The following RRBP1 variants were observed in gnomAD, a reference collection of about 807,000 sequenced individuals.
The protein encoded by RRBP1 is ribosome binding protein 1, also known as ribosome-binding protein 1.
A neutral mutation model predicts 165.2 loss-of-function variants in RRBP1; 94 were observed. That is an observed-to-expected ratio of 0.57 (90% CI 0.48 to 0.68). The LOEUF (loss-of-function observed/expected upper bound fraction) is 0.68. Ranked by LOEUF, RRBP1 falls within the 30% of genes least tolerant of loss-of-function variation. The pLI, the probability that RRBP1 is intolerant of heterozygous loss-of-function variation, is 0.00. For synonymous variants in RRBP1, 680 were observed against 714.5 expected (o/e 0.95, Z 0.77); for missense variants, 1,676 against 1,763.0 (o/e 0.95, Z 0.88).
chr20:17,631,563 A>G (rs543356638), intron 8 of RRBP1, among the ~76,000 whole-genome samples: 1 of 152,396 alleles, frequency 6.6e-6, no homozygotes, highest in South Asian at 2.1e-4. Flanking sequence ...ACACTGAACA[A>G]TTTCAGAAGC....
intron 4 of RRBP1, among the ~76,000 whole-genome samples, chr20:17,642,124 G>A (rs2036374990): frequency 6.6e-6 from 1 of 152,262 alleles, no homozygotes; most frequent in African/African-American, 2.4e-5. Flanking sequence ...CCCAGCGTGT[G>A]TTGGGACTGT....
At chr20:17,634,005 T>C (rs1044859475) in intron 7 of RRBP1, among the ~76,000 whole-genome samples, 3 of 152,136 alleles carry the variant, frequency 2.0e-5, no homozygotes, top group Non-Finnish European at 2.9e-5. Context: ...ACGCGCCCCC[T>C]CACTGGCCAG....
intron 2 of RRBP1, among the ~76,000 whole-genome samples, chr20:17,670,396 ATTCT>A (rs2036953434): frequency 2.9e-5 from 4 of 140,230 alleles, no homozygotes; most frequent in African/African-American, 1.0e-4. Flanking sequence ...GTAGTGTAGG[ATTCT>A]TTTTTTTTTT....
At chr20:17,617,251 AT>A (rs2035819467) in intron 20 of RRBP1, among the ~76,000 whole-genome samples, 1 of 152,188 alleles carries the variant, frequency 6.6e-6, no homozygotes, top group Non-Finnish European at 1.5e-5. Flanking sequence ...AGATTATGAG[AT>A]AACATTCTTG....
At chr20:17,631,316 T>G (rs1050401413) in intron 8 of RRBP1, among the ~76,000 whole-genome samples, 1 of 152,202 alleles carries the variant, frequency 6.6e-6, no homozygotes, top group Admixed American at 6.5e-5. Flanking sequence ...TGCTGCTGCT[T>G]TTTTTCTTTA....
intron 2 of RRBP1, among the ~76,000 whole-genome samples, chr20:17,660,814 C>A (rs2036751840): frequency 6.6e-6 from 1 of 152,166 alleles, no homozygotes; most frequent in Non-Finnish European, 1.5e-5. Flanking sequence ...GGAGCCTCAG[C>A]AGCCATGACC....
intron 13 of RRBP1, among the ~76,000 whole-genome samples, chr20:17,623,770 A>C (rs2035958957): frequency 6.6e-6 from 1 of 152,126 alleles, no homozygotes; most frequent in Non-Finnish European, 1.5e-5. Flanking sequence ...CATCTGTACA[A>C]AACATGCAAA....
chr20:17,632,767 C>A (rs954395496), intron 8 of RRBP1, among the ~76,000 whole-genome samples: 1 of 152,184 alleles, frequency 6.6e-6, no homozygotes, highest in Non-Finnish European at 1.5e-5. Flanking sequence ...CCAACACAGG[C>A]CAGCAGACGG....
chr20:17,637,995 T>A (rs188637439), intron 5 of RRBP1, among the ~76,000 whole-genome samples: 1,756 of 152,180 alleles, frequency 0.012, 15 homozygotes, highest in Admixed American at 0.02. Flanking sequence ...GGGGAGCAGC[T>A]CTAAGAGGCA....
At position 17,641,855 on chromosome 20, in the gene RRBP1, A is replaced by G. The variant is rs781308540; in HGVS notation, c.2126T>C (p.Leu709Pro). ...AGCCGCATCTTCCTGTTCTGTGGCCAGCAGTTTTTCCTTCTCTTCCAGCTG... is the reference window on the plus strand; with the variant it reads ...AGCCGCATCTTCCTGTTCTGTGGCCGGCAGTTTTTCCTTCTCTTCCAGCTG... ...KRQLEEKEKLLATEQEDAAVA... is the reference protein window; with the variant it reads ...KRQLEEKEKLPATEQEDAAVA... Residue 709 changes from leucine (L) to proline (P), a missense_variant, in exon 5 of 25, where the codon CTG (leucine) becomes CCG (proline). Transcript: ENST00000377813. 3 of 1,614,096 alleles carry G rather than the reference A, an allele frequency of 1.9e-6. No individual in the cohort carries two copies. The South Asian group carries it at 3.3e-5, about 18-fold the overall frequency.
chr20:17,676,949 T>C (rs867476850), intron 2 of RRBP1, among the ~76,000 whole-genome samples: 17 of 152,132 alleles, frequency 1.1e-4, no homozygotes, highest in Middle Eastern at 3.4e-3. Context: ...GGTTTTGCCA[T>C]GTTGCCCAGG....
Position 17,614,237 on chromosome 20 carries a change from G to A in RRBP1, c.4195-17C>T. 2 of 1,612,306 alleles carry A rather than the reference G, an allele frequency of 1.2e-6. No individual in the cohort carries two copies. Among genetic ancestry groups the A allele is most frequent in the Non-Finnish European group, 1.7e-6 (2 of 1,179,870 alleles). ...GCCGTCCTCCTGTGAACGAAGGCAG[G>A]TGGCGTGAGGGGGGCTGGGCCACGA... On this transcript the variant is annotated splice_polypyrimidine_tract_variant and intron_variant, in intron 24 of 24. Transcript: ENST00000377813.
At position 17,659,749 on chromosome 20, in the gene RRBP1, T is replaced by C. The variant is rs878950233; in HGVS notation, c.759A>G (p.Glu253=). ...EGTPNQGKKA[E]GTPNQGKKAE... The stretch of plus-strand genomic sequence containing the variant: ...CCTTTTTGCCTTGGTTTGGGGTTCC[T>C]TCTGCCTTTTTGCCTTGGTTTGGGG... The change falls in exon 3 of 25, where the codon GAA becomes GAG. Residue 253 remains glutamate (E), a synonymous_variant. Coordinates refer to ENST00000377813, the MANE Select transcript of RRBP1 (RefSeq NM_001365613.2). 1 of 1,549,492 alleles carries C rather than the reference T, an allele frequency of 6.5e-7. No individual in the cohort carries two copies. Among genetic ancestry groups the C allele is most frequent in the Non-Finnish European group, 8.7e-7 (1 of 1,146,664 alleles).
chr20:17,629,703 C>T (rs529366890), intron 9 of RRBP1, 120 bp downstream of exon 9: 24 of 1,028,216 alleles, frequency 2.3e-5, no homozygotes, highest in East Asian at 1.7e-4. Context: ...TCAAGGGATC[C>T]GTGCTGCCCT....
chr20:17,622,859 C>G (rs564885294), intron 13 of RRBP1: 1 of 152,192 alleles, frequency 6.6e-6, no homozygotes, highest in East Asian at 1.9e-4. Flanking sequence ...TGGATCAGAG[C>G]TGATGGAGTG....
intron 11 of RRBP1, among the ~76,000 whole-genome samples, chr20:17,626,165 A>G (rs574331531): frequency 6.6e-6 from 1 of 152,356 alleles, no homozygotes; most frequent in South Asian, 2.1e-4. Context: ...AGAAGGAAAT[A>G]AAAGCACCAA....
rs1255703669 is a variant in RRBP1 at position 17,635,466 on chromosome 20, C to A, written c.2456+80G>T. On this transcript the variant is annotated intron_variant, in intron 7 of 24. Transcript: ENST00000377813. ...GGCCCATGCCTGGCTCTTGTGCCAG[C>A]TGCCCTGGCCGCAGCCTCGTGAAGC... 1.8e-5 allele frequency: 19 copies of A among 1,039,350 alleles called. 1 individual carries two copies. Among genetic ancestry groups the A allele is most frequent in the Middle Eastern group, 3.0e-4 (1 of 3,336 alleles). The allele number at this position is 1,039,350 out of a possible 1,614,324, so 64.4% of individuals were successfully genotyped here.
rs1318352 is a variant in RRBP1, at chr20:17,643,440, G to A, written c.1913-313C>T. 0.86 allele frequency among the ~76,000 whole-genome samples: 131,292 copies of A among 152,012 alleles called. 56,921 individuals are homozygous for A. The highest frequency in any genetic ancestry group is 0.95 in the African/African-American group (39,271 of 41,472). On this transcript the variant is annotated intron_variant, in intron 3 of 24. Transcript: ENST00000377813. This position sits in a 1 kb window ranked among gnomAD's most constrained non-coding sequence, Gnocchi z 4.3. ...GGCCTGCAACAAAATTAAGCAAGGC[G>A]TACTTTTTCCATAGGCTTTTCTCCC... is the stretch of plus-strand genomic sequence containing the variant.
chr20:17,640,514 G>T (rs997077450), intron 5 of RRBP1, among the ~76,000 whole-genome samples: 3 of 152,160 alleles, frequency 2.0e-5, no homozygotes, highest in Admixed American at 2.0e-4. Context: ...CTTGATGGGG[G>T]TCCTCACAGA....
Sources: gnomAD v4.1 joint callset for allele counts (sites outside exome capture counted in the v4.1 genomes callset) on GRCh38, gnomAD v4.1.1 for gene constraint, Gnocchi (gnomAD v3.1) non-coding constraint, MANE v1.5 for transcripts, NCBI Gene and HGNC (gene_info 2026-07-23, HGNC 2026-07-21) for gene names.